Variants in DNAH7 observed in about 807,000 individuals in gnomAD.
The protein encoded by DNAH7 is dynein axonemal heavy chain 7, also known as axonemal beta dynein heavy chain 7.
A neutral mutation model predicts 444.6 loss-of-function variants in DNAH7; 397 were observed. The observed-to-expected ratio is 0.89, with a 90% CI of 0.82 to 0.97. DNAH7 has a LOEUF of 0.97. Ranked by LOEUF, DNAH7 falls within the 50% of genes least tolerant of loss-of-function variation. The pLI is 0.00. For synonymous variants in DNAH7, 1,636 were observed against 1,624.4 expected (o/e 1.01, Z -0.17); for missense variants, 4,902 against 4,800.8 (o/e 1.02, Z -0.62).
Position 195,936,781 on chromosome 2 carries a change from A to G in DNAH7, c.3090T>C (p.Val1030=). The change falls in exon 20 of 65, where the codon GTT becomes GTC. Residue 1030 remains valine (V), a synonymous_variant. Transcript: ENST00000312428. ...IMRSVMQDKH[V]LTVVTIDRML... is the part of the protein sequence containing the mutation. ...TTCTGTCAATGGTTACAACTGTCAG[A>G]ACATGTTTATCCTAAAAATAAAAAT... 1 of 1,520,600 alleles carries G rather than the reference A, an allele frequency of 6.6e-7. No individual in the cohort carries two copies. The highest frequency in any genetic ancestry group is 8.8e-7 in the Non-Finnish European group (1 of 1,139,308). 94.2% of individuals were successfully genotyped at this position (1,520,600 alleles called of 1,614,324 possible).
intron 1 of DNAH7, among the ~76,000 whole-genome samples, chr2:196,064,761 T>A (rs959609814): frequency 2.6e-5 from 4 of 152,222 alleles, no homozygotes; most frequent in Non-Finnish European, 4.4e-5. Context: ...ATTAATACGT[T>A]TCTCAATGAT....
chr2:195,972,379 C>T lies in DNAH7; in HGVS notation c.1921G>A (p.Glu641Lys), dbSNP rs571327701. 1.1e-5 allele frequency: 18 copies of T among 1,613,994 alleles called. No homozygotes were observed. The highest frequency in any genetic ancestry group is 6.7e-5 in the East Asian group (3 of 44,862). ...DSKNCLAFLI[E>K]YVNFSPADMR... ...TCTGCTGGAGAAAAGTTGACATACT[C>T]GATGAGGAAGGCGAGGCAGTTTTTG... Residue 641 changes from glutamate (E) to lysine (K), a missense_variant, in exon 16 of 65, where the codon GAG becomes AAG. Coordinates refer to ENST00000312428, the MANE Select transcript of DNAH7 (RefSeq NM_018897.3).
intron 55 of DNAH7, among the ~76,000 whole-genome samples, chr2:195,797,256 G>T (rs1472719616): frequency 6.6e-6 from 1 of 152,148 alleles, no homozygotes; most frequent in Non-Finnish European, 1.5e-5. Context: ...CCTATATTCA[G>T]TTTTACTGTA....
chr2:195,771,923 C>T, intron 60 of DNAH7, 33 bp from the exon 61 acceptor site: 4 of 1,583,764 alleles, frequency 2.5e-6, no homozygotes, highest in Non-Finnish European at 3.5e-6. Context: ...CTCAAAAATC[C>T]TCATAAAGGT....
At position 195,969,972 on chromosome 2, in the gene DNAH7, TC is replaced by T; in HGVS notation, c.2180del (p.Gly727GlufsTer5). 6.2e-7 allele frequency: 1 copy of T among 1,607,206 alleles called. No individual in the cohort carries two copies. On this transcript the variant is annotated frameshift_variant, in exon 17 of 65. Coordinates refer to ENST00000312428, the MANE Select transcript of DNAH7 (RefSeq NM_018897.3). LOFTEE classifies it high-confidence loss of function. ...CCTTATCTGCAGCTAAATCCAACTT[TC>T]CATTCAGTATTTGAGCCTTTTTTAG... ...RYLKKAQILN[G>X]KLDLAADKIE...
At chr2:195,874,665 A>G (rs543795847) in intron 38 of DNAH7, among the ~76,000 whole-genome samples, 1 of 151,646 alleles carries the variant, frequency 6.6e-6, no homozygotes, top group African/African-American at 2.4e-5. Context: ...ACAAAATATG[A>G]AACAAAATTA....
intron 12 of DNAH7, among the ~76,000 whole-genome samples, chr2:195,991,713 C>T (rs759194782): frequency 2.6e-5 from 4 of 152,186 alleles, no homozygotes; most frequent in Non-Finnish European, 5.9e-5. Context: ...AAGGCTCATG[C>T]AGTCATAATT....
chr2:195,799,272 A>T, intron 55 of DNAH7, 24 bp downstream of exon 55: 1 of 1,447,768 alleles, frequency 6.9e-7, no homozygotes, highest in Non-Finnish European at 9.2e-7. Context: ...ATAATATCCG[A>T]TAACTTCATC....
rs111984359 is a variant in DNAH7, at chr2:195,756,042, T to G, written c.11586+91A>C. 5.0e-4 allele frequency: 674 copies of G among 1,339,416 alleles called. 2 individuals carry two copies. The African/African-American group carries it at 8.7e-3, about 17-fold the overall frequency. The allele number at this position is 1,339,416 out of a possible 1,614,324, so 83.0% of individuals were successfully genotyped here. A position where few individuals can be genotyped will look rare whatever the true frequency, so the allele number is the denominator to read the frequency against. On this transcript the variant is annotated intron_variant, in intron 62 of 64. Transcript: ENST00000312428. ...TTGTGCCTGGGATGCACAGAAAAACTAGAGAGTAATACTCATTACATTAAG... is the reference window on the plus strand; with the variant it reads ...TTGTGCCTGGGATGCACAGAAAAACGAGAGAGTAATACTCATTACATTAAG...
intron 1 of DNAH7, among the ~76,000 whole-genome samples, chr2:196,067,562 A>G (rs978856539): frequency 3.9e-5 from 6 of 152,142 alleles, no homozygotes; most frequent in Non-Finnish European, 7.4e-5. Context: ...CTTAAATTAT[A>G]CTTATTTTTT....
intron 54 of DNAH7, among the ~76,000 whole-genome samples, chr2:195,801,313 C>T (rs1261753296): frequency 6.6e-6 from 1 of 151,898 alleles, no homozygotes; most frequent in East Asian, 1.9e-4. Context: ...TATATATGCA[C>T]AAAATTGTCA....
chr2:195,959,422 T>C (rs59949600), intron 18 of DNAH7, among the ~76,000 whole-genome samples: 159 of 152,302 alleles, frequency 1.0e-3, no homozygotes, highest in African/African-American at 3.8e-3. Context: ...GGAATCTAGA[T>C]GTACCACTTT....
At chr2:195,822,863 CTTCT>C (rs1559121443) in intron 49 of DNAH7, among the ~76,000 whole-genome samples, 1 of 152,086 alleles carries the variant, frequency 6.6e-6, no homozygotes, top group South Asian at 2.1e-4. Context: ...TTTTTGCTTC[CTTCT>C]TTTTCACTTA....
chr2:196,055,474 C>G (rs1485196706), intron 2 of DNAH7, among the ~76,000 whole-genome samples: 1 of 152,004 alleles, frequency 6.6e-6, no homozygotes, highest in South Asian at 2.1e-4. Flanking sequence ...AATACAAGCA[C>G]CAGATTAGGG....
At chr2:195,858,909 T>C (rs1699870501) in intron 42 of DNAH7, 105 bp from the exon 43 acceptor site, 4 of 892,790 alleles carry the variant, frequency 4.5e-6, no homozygotes, top group Non-Finnish European at 5.1e-6. Context: ...AAGACATAAC[T>C]ACGGAGTGGT....
In DNAH7 at chr2:196,024,431, A is replaced by C; in HGVS notation, c.741T>G (p.Ala247=). Residue 247 remains alanine (A), a splice_region_variant and synonymous_variant, in exon 8 of 65, where the codon GCT becomes GCG. Coordinates refer to ENST00000312428, the MANE Select transcript of DNAH7 (RefSeq NM_018897.3). ...CTTAGAGAAATCTGATCACTTACTC[A>C]GCACGATGGGCTGGAAGTTCATCTG... ...KKTDELPAHR[A]EMEILPKPWR... 1 of 1,576,912 alleles carries C rather than the reference A, an allele frequency of 6.3e-7. No individual in the cohort carries two copies. The highest frequency in any genetic ancestry group is 8.6e-7 in the Non-Finnish European group (1 of 1,164,480).
rs772857869 is a variant in DNAH7 at position 196,047,492 on chromosome 2, GTATTCAGCT to G, written c.251-2_257del. On this transcript the variant is annotated splice_acceptor_variant and coding_sequence_variant, in exon 5 of 65. Coordinates refer to ENST00000312428, the MANE Select transcript of DNAH7 (RefSeq NM_018897.3). LOFTEE classifies it high-confidence loss of function. ...TGCCCTTTTTTCCAAAACGTTCCATGTATTCAGCTTAAATTAAAACAAAAAAAAAAGCAC... is the reference window on the plus strand; with the variant it reads ...TGCCCTTTTTTCCAAAACGTTCCATGTAAATTAAAACAAAAAAAAAAGCAC... 6.3e-7 allele frequency: 1 copy of G among 1,576,688 alleles called. No homozygotes were observed. The highest frequency in any genetic ancestry group is 8.6e-7 in the Non-Finnish European group (1 of 1,160,066).
chr2:195,994,202 G>C (rs576594890), intron 12 of DNAH7: 2 of 250,994 alleles, frequency 8.0e-6, no homozygotes, highest in African/African-American at 4.6e-5. Context: ...CTGGTCCCAT[G>C]ATAAAAAATT....
Position 196,012,889 on chromosome 2 carries a change from T to C in DNAH7, c.887A>G (p.Asp296Gly). The change falls in exon 10 of 65, where the codon GAT becomes GGT. Residue 296 changes from aspartate to glycine, a missense_variant. By Grantham distance (94) the Asp-to-Gly change is moderately conservative. Coordinates refer to ENST00000312428, the MANE Select transcript of DNAH7 (RefSeq NM_018897.3). ...HTNFKKLRLV[D>G]IKEFHNCQDA... ...CTGGCAATTATGAAATTCTTTGATA[T>C]CAACTAAACGTAATTTTCTGCAAAA... 6.6e-7 allele frequency: 1 copy of C among 1,513,284 alleles called. No homozygotes were observed. The highest frequency in any genetic ancestry group is 8.8e-7 in the Non-Finnish European group (1 of 1,132,524). 93.7% of individuals were successfully genotyped at this position (1,513,284 alleles called of 1,614,324 possible).
Sources: gnomAD v4.1 joint callset for allele counts (sites outside exome capture counted in the v4.1 genomes callset) on GRCh38, gnomAD v4.1.1 for gene constraint, MANE v1.5 for transcripts, NCBI Gene and HGNC (gene_info 2026-07-23, HGNC 2026-07-21) for gene names.